Variants in PCDHA8 observed in about 807,000 individuals in gnomAD.
PCDHA8 encodes the protein protocadherin alpha-8.
PCDHA8 carries 53 observed loss-of-function variants against 61.8 expected under a neutral mutation model. The observed-to-expected ratio is 0.86, with a 90% confidence interval of 0.69 to 1.08. The LOEUF is 1.08. Among genes scored for constraint, PCDHA8 ranks in the 50% least tolerant of loss-of-function variants. PCDHA8 has a pLI of 0.00. For missense variants in PCDHA8, 1,293 were observed against 1,245.0 expected, an observed-to-expected ratio of 1.04 and a Z score of -0.58; for synonymous variants, 618 against 556.6, an observed-to-expected ratio of 1.11 and a Z score of -1.55.
At chr5:140,982,414 G>A in intron 2 of PCDHA8, 61 bp from the exon 3 acceptor site, 1 of 1,609,882 alleles carries the variant, frequency 6.2e-7, no homozygotes, top group Non-Finnish European at 8.5e-7. Flanking sequence ...TCTGAGGGTG[G>A]AAGAAGAGAT....
rs782354826 is a variant in PCDHA8, at chr5:140,856,955, G to A, written c.2394+13240G>A. 3 of 1,593,892 alleles carry A rather than the reference G, an allele frequency of 1.9e-6. No individual in the cohort carries two copies. The Admixed American group carries it at 5.1e-5, about 27-fold the overall frequency. On this transcript the variant is annotated intron_variant, in intron 1 of 3. Coordinates refer to ENST00000531613, the MANE Select transcript of PCDHA8 (RefSeq NM_018911.3). Reference sequence around the variant, plus strand: ...AAACGAAAGGACGGGAGAAATAAAAGTAAATGATGCTATTGACTTTGAGGA... The same window carrying A: ...AAACGAAAGGACGGGAGAAATAAAAATAAATGATGCTATTGACTTTGAGGA...
Position 141,009,983 on chromosome 5 carries a change from G to A in PCDHA8, c.*46G>A, listed in dbSNP as rs1554262629. The A allele has an allele frequency of 1.9e-6, 3 of 1,581,862 alleles. No homozygotes were observed. Among genetic ancestry groups the A allele is most frequent in the Non-Finnish European group, 2.6e-6 (3 of 1,167,526 alleles). On this transcript the variant is annotated 3_prime_UTR_variant, in exon 4 of 4. Coordinates refer to ENST00000531613, the MANE Select transcript of PCDHA8 (RefSeq NM_018911.3). ...CCACTTAGCCAGTTTTTGTAATAAT[G>A]GCAAATCTCTCCCATGTAGCAATTC...
chr5:140,853,604 G>C lies in PCDHA8; in HGVS notation c.2394+9889G>C, dbSNP rs557129583. On this transcript the variant is annotated intron_variant, in intron 1 of 3. Transcript: ENST00000531613. ...ATCTTAGACACTTTGAGAGCAAAGG[G>C]GGTGCTGTAAATAAGTATACAAGAT... The C allele has an allele frequency of 2.2e-5, 22 of 987,378 alleles. 2 individuals are homozygous for C. In the African/African-American group the frequency reaches 2.3e-4, roughly 10 times the overall value. 61.2% of individuals were successfully genotyped at this position (987,378 alleles called of 1,614,324 possible). A position where few individuals can be genotyped will look rare whatever the true frequency, so the allele number is the denominator to read the frequency against.
At chr5:140,902,668 G>C (rs1385644848) in intron 1 of PCDHA8, among the ~76,000 whole-genome samples, 3 of 152,126 alleles carry the variant, frequency 2.0e-5, no homozygotes, top group African/African-American at 7.2e-5. Context: ...CACCCAAGCA[G>C]TGTACACCGT....
intron 3 of PCDHA8, among the ~76,000 whole-genome samples, chr5:141,007,395 C>CAAAAAAAAAAAAAA (rs35800918): frequency 1.1e-5 from 1 of 94,866 alleles, no homozygotes; most frequent in Non-Finnish European, 2.1e-5. Context: ...TACTAAAATA[C>CAAAAAAAAAAAAAA]AAAAAAAAAA....
chr5:141,010,129 G>A lies in PCDHA8; in HGVS notation c.*192G>A, dbSNP rs781919488. The A allele has an allele frequency of 3.7e-6, 6 of 1,601,792 alleles. No individual in the cohort carries two copies. The highest frequency in any genetic ancestry group is 5.1e-6 in the Non-Finnish European group (6 of 1,173,386). On this transcript the variant is annotated 3_prime_UTR_variant, in exon 4 of 4. Coordinates refer to ENST00000531613, the MANE Select transcript of PCDHA8 (RefSeq NM_018911.3). Reference sequence around the variant, plus strand: ...TGTCGTAAAAGCTTTACTAAGTCTGGTGTTAACTCTTTCTCTCCACTCTGG... The same window carrying A: ...TGTCGTAAAAGCTTTACTAAGTCTGATGTTAACTCTTTCTCTCCACTCTGG...
intron 1 of PCDHA8, among the ~76,000 whole-genome samples, chr5:140,897,966 T>C (rs1339473229): frequency 5.3e-5 from 8 of 152,276 alleles, no homozygotes; most frequent in African/African-American, 1.9e-4. Flanking sequence ...TTCATGTGTC[T>C]TTTGGCTGCA....
At chr5:140,871,265 G>C in intron 1 of PCDHA8, 1 of 1,613,978 alleles carries the variant, frequency 6.2e-7, no homozygotes, top group South Asian at 1.1e-5. Flanking sequence ...ACGGCGCTGT[G>C]GTGGTCGGCA....
At chr5:140,884,532 G>A in intron 1 of PCDHA8, 2 of 1,614,042 alleles carry the variant, frequency 1.2e-6, no homozygotes, top group South Asian at 2.2e-5. Flanking sequence ...CAGCAGAGGC[G>A]GCCGAGGGTG....
At chr5:140,870,439 G>A (rs374343977) in intron 1 of PCDHA8, 5 of 1,614,126 alleles carry the variant, frequency 3.1e-6, no homozygotes, top group African/African-American at 2.7e-5. Flanking sequence ...GGAGGTGGCC[G>A]ACGTGAACGA....
intron 3 of PCDHA8, among the ~76,000 whole-genome samples, chr5:141,001,563 C>A (rs531745574): frequency 6.6e-6 from 1 of 152,296 alleles, no homozygotes; most frequent in South Asian, 2.1e-4. Context: ...GACCACGATT[C>A]TCCTGTGTTT....
At chr5:140,990,780 G>A (rs900658402) in intron 3 of PCDHA8, among the ~76,000 whole-genome samples, 20 of 152,192 alleles carry the variant, frequency 1.3e-4, no homozygotes, top group African/African-American at 4.8e-4. Flanking sequence ...CTCTGTGTTG[G>A]ACGATGAACC....
rs1254354370 is a variant in PCDHA8, at chr5:140,853,174, T to C, written c.2394+9459T>C. Reference sequence around the variant, plus strand: ...GATTACAGGCGTGAGCCACCGCGCCTGGCCTAAAATGTGTTCTTTATTATT... The same window carrying C: ...GATTACAGGCGTGAGCCACCGCGCCCGGCCTAAAATGTGTTCTTTATTATT... On this transcript the variant is annotated intron_variant, in intron 1 of 3. Coordinates refer to ENST00000531613, the MANE Select transcript of PCDHA8 (RefSeq NM_018911.3). 56 of 970,124 alleles carry C rather than the reference T, an allele frequency of 5.8e-5. 5 individuals carry two copies. Among genetic ancestry groups the C allele is most frequent in the Non-Finnish European group, 6.7e-5 (54 of 803,994 alleles). 60.1% of individuals were successfully genotyped at this position (970,124 alleles called of 1,614,324 possible). A position where few individuals can be genotyped will look rare whatever the true frequency, so the allele number is the denominator to read the frequency against.
chr5:140,853,535 C>G (rs916895928), intron 1 of PCDHA8: 2 of 979,230 alleles, frequency 2.0e-6, no homozygotes, highest in South Asian at 9.5e-5. Context: ...TGTCTCTTTT[C>G]AAGTTGTAAT....
At chr5:140,965,838 T>C (rs1486782697) in intron 1 of PCDHA8, among the ~76,000 whole-genome samples, 5 of 152,204 alleles carry the variant, frequency 3.3e-5, no homozygotes, top group African/African-American at 1.2e-4. Flanking sequence ...ATATTGGTTA[T>C]TTGCCAAGGC....
At chr5:140,992,807 C>G (rs781970284) in intron 3 of PCDHA8, among the ~76,000 whole-genome samples, 6 of 152,108 alleles carry the variant, frequency 3.9e-5, no homozygotes, top group Non-Finnish European at 4.4e-5. Flanking sequence ...CCATATGTAT[C>G]TAAGGATGTG....
rs1554139942 is a variant in PCDHA8 at position 140,843,313 on chromosome 5, G to T, written c.1992G>T (p.Thr664=). ...HGEPALTATA[T]VLVSLVESGQ... The stretch of plus-strand genomic sequence containing the variant: ...AACCTGCGCTGACCGCCACGGCCAC[G>T]GTTCTGGTGTCGCTGGTGGAGAGCG... The change falls in exon 1 of 4, where the codon ACG becomes ACT. Residue 664 remains threonine (T), a synonymous_variant. Transcript: ENST00000531613. 1.9e-6 allele frequency: 3 copies of T among 1,595,962 alleles called. No homozygotes were observed. Among genetic ancestry groups the T allele is most frequent in the Admixed American group, 1.7e-5 (1 of 59,294 alleles).
At chr5:140,944,439 G>A (rs1022400391) in intron 1 of PCDHA8, among the ~76,000 whole-genome samples, 7 of 152,022 alleles carry the variant, frequency 4.6e-5, no homozygotes, top group African/African-American at 1.2e-4. Context: ...TGCCTGCCTC[G>A]GCCTCCCAAA....
At chr5:140,920,133 C>T (rs1463322279) in intron 1 of PCDHA8, among the ~76,000 whole-genome samples, 1 of 152,178 alleles carries the variant, frequency 6.6e-6, no homozygotes, top group African/African-American at 2.4e-5. Flanking sequence ...AGTTTTAATT[C>T]TCCTCTCCAA....
Sources: gnomAD v4.1 joint callset for allele counts (sites outside exome capture counted in the v4.1 genomes callset) on GRCh38, gnomAD v4.1.1 for gene constraint, MANE v1.5 for transcripts, NCBI Gene and HGNC (gene_info 2026-07-23, HGNC 2026-07-21) for gene names.